The following MROH9 variants were observed in gnomAD, a reference collection of about 807,000 sequenced individuals.
MROH9 encodes maestro heat-like repeat-containing protein family member 9.
Under a neutral mutation model 98.2 loss-of-function variants are expected in MROH9, and 92 were observed. The observed-to-expected ratio is 0.94, with a 90% CI of 0.79 to 1.11. The LOEUF (loss-of-function observed/expected upper bound fraction) is 1.11, where lower values mean the gene tolerates loss of function less well. MROH9 is among the 50% of genes most tolerant of loss of function. MROH9 has a pLI of 0.00. For synonymous variants in MROH9, 397 were observed against 368.9 expected, an observed-to-expected ratio of 1.08 and a Z score of -0.87; for missense variants, 1,057 against 1,014.8, an observed-to-expected ratio of 1.04 and a Z score of -0.57.
At position 171,014,454 on chromosome 1, in the gene MROH9, G is replaced by A. The variant is rs138365442; in HGVS notation, c.1734+200G>A. On this transcript the variant is annotated intron_variant, in intron 16 of 21. Coordinates refer to ENST00000367759, the MANE Select transcript of MROH9 (RefSeq NM_001163629.2). ...GTTAAGTCCACTTAGTGGCTTTATCGCCTTACTTTTTTTTTTTTTTTACAG... is the reference window on the plus strand; with the variant it reads ...GTTAAGTCCACTTAGTGGCTTTATCACCTTACTTTTTTTTTTTTTTTACAG... 1.6e-3 allele frequency among the ~76,000 whole-genome samples: 239 copies of A among 148,622 alleles called. 1 individual carries two copies. Among genetic ancestry groups the A allele is most frequent in the African/African-American group, 5.2e-3 (202 of 38,834 alleles).
At position 171,055,618 on chromosome 1, in the gene MROH9, T is replaced by TTA. The variant is rs1490874386; in HGVS notation, c.2282-6514_2282-6513insTA. Among the ~76,000 whole-genome samples, 104 of 78,272 alleles carry TTA rather than the reference T, an allele frequency of 1.3e-3. 1 individual carries two copies. The highest frequency in any genetic ancestry group is 4.0e-3 in the African/African-American group (98 of 24,792). The allele number at this position is 78,272 out of a possible 152,430, so 51.3% of individuals were successfully genotyped here. ...GTTTGGGCAACAGTGTGAGACTTCA[T>TTA]AAAAAAAAAAAAAAAAAAAAAAAGA... On this transcript the variant is annotated intron_variant, in intron 20 of 21. Transcript: ENST00000367759.
intron 15 of MROH9, among the ~76,000 whole-genome samples, chr1:170,999,358 C>T (rs986695406): frequency 1.9e-4 from 29 of 152,126 alleles, no homozygotes; most frequent in Admixed American, 1.8e-3. Context: ...TTGTATCATT[C>T]TTATGCCTTT....
chr1:170,998,143 C>T lies in MROH9; in HGVS notation c.1476-11C>T, dbSNP rs908994961. ...TCCTTTGCTAATTCAGTGCCTTATT[C>T]TCTTTTACAGAACTCTCAGTGAATA... On this transcript the variant is annotated splice_polypyrimidine_tract_variant and intron_variant, in intron 14 of 21. Coordinates refer to ENST00000367759, the MANE Select transcript of MROH9 (RefSeq NM_001163629.2). 1 of 1,586,496 alleles carries T rather than the reference C, an allele frequency of 6.3e-7. No individual in the cohort carries two copies. The highest frequency in any genetic ancestry group is 8.6e-7 in the Non-Finnish European group (1 of 1,169,440).
intron 20 of MROH9, among the ~76,000 whole-genome samples, chr1:171,054,493 ACC>A (rs1653768274): frequency 6.6e-6 from 1 of 151,832 alleles, no homozygotes; most frequent in African/African-American, 2.4e-5. Context: ...ATGACCAAGA[ACC>A]CAAAAGCAAA....
chr1:170,958,108 G>C (rs9427204), intron 3 of MROH9, among the ~76,000 whole-genome samples: 12,142 of 151,690 alleles, frequency 0.08, 615 homozygotes, highest in Non-Finnish European at 0.11. Flanking sequence ...CACGCCCGGC[G>C]CTGCTGGCAT....
intron 3 of MROH9, among the ~76,000 whole-genome samples, chr1:170,954,229 T>C (rs1438718422): frequency 6.6e-6 from 1 of 152,144 alleles, no homozygotes; most frequent in African/African-American, 2.4e-5. Flanking sequence ...GAAATTATAC[T>C]ACACTATTGA....
At chr1:170,938,994 G>T (rs1487558863) in intron 1 of MROH9, among the ~76,000 whole-genome samples, 1 of 152,224 alleles carries the variant, frequency 6.6e-6, no homozygotes, top group Non-Finnish European at 1.5e-5. Flanking sequence ...AGCCTATTGG[G>T]TGATGACACT....
Position 171,062,126 on chromosome 1 carries a change from G to A in MROH9, c.2282-6G>A. On this transcript the variant is annotated splice_polypyrimidine_tract_variant and splice_region_variant and intron_variant, in intron 20 of 21. Coordinates refer to ENST00000367759, the MANE Select transcript of MROH9 (RefSeq NM_001163629.2). ...GCAGTAACTTTAATTTTTATTATGTGCATAGGATATTTGGCAAAATCAGGT... is the reference window on the plus strand; with the variant it reads ...GCAGTAACTTTAATTTTTATTATGTACATAGGATATTTGGCAAAATCAGGT... The A allele has an allele frequency of 1.3e-6, 2 of 1,531,648 alleles. No individual in the cohort carries two copies. Among genetic ancestry groups the A allele is most frequent in the Non-Finnish European group, 1.8e-6 (2 of 1,129,208 alleles). The allele number at this position is 1,531,648 out of a possible 1,614,324, so 94.9% of individuals were successfully genotyped here. A position where few individuals can be genotyped will look rare whatever the true frequency, so the allele number is the denominator to read the frequency against.
chr1:171,009,355 C>A (rs536573532), intron 15 of MROH9, among the ~76,000 whole-genome samples: 1 of 152,050 alleles, frequency 6.6e-6, no homozygotes, highest in Non-Finnish European at 1.5e-5. Flanking sequence ...AGTGCTTTGA[C>A]TTAGATATAT....
chr1:171,030,234 A>C (rs2101847994), intron 20 of MROH9, among the ~76,000 whole-genome samples: 1 of 150,878 alleles, frequency 6.6e-6, no homozygotes, highest in East Asian at 1.9e-4. Flanking sequence ...TTTTTGAAAA[A>C]CCAGCTCCTG....
At chr1:171,013,541 T>A (rs1268734960) in intron 15 of MROH9, among the ~76,000 whole-genome samples, 1 of 152,206 alleles carries the variant, frequency 6.6e-6, no homozygotes, top group Non-Finnish European at 1.5e-5. Context: ...GTTTGGGGAC[T>A]GCTGCTGTAG....
intron 15 of MROH9, among the ~76,000 whole-genome samples, chr1:171,007,299 G>A (rs1651992436): frequency 6.6e-6 from 1 of 152,110 alleles, no homozygotes; most frequent in Admixed American, 6.5e-5. Context: ...CAGGACCTTG[G>A]TCAGTAGTGT....
rs1397710756 is a variant in MROH9, at chr1:170,983,539, C to T, written c.729+5C>T. 1.3e-6 allele frequency: 2 copies of T among 1,548,746 alleles called. No homozygotes were observed. Among genetic ancestry groups the T allele is most frequent in the Non-Finnish European group, 8.9e-7 (1 of 1,122,380 alleles). ...GACGAAAGTAAAATAGCTCAGGTAACTTAGCCCCCACTTTTTCCGAGGGCT... is the reference window on the plus strand; with the variant it reads ...GACGAAAGTAAAATAGCTCAGGTAATTTAGCCCCCACTTTTTCCGAGGGCT... On this transcript the variant is annotated splice_donor_5th_base_variant and intron_variant, in intron 9 of 21. Transcript: ENST00000367759.
At chr1:170,957,982 T>C (rs1340638959) in intron 3 of MROH9, among the ~76,000 whole-genome samples, 4 of 151,916 alleles carry the variant, frequency 2.6e-5, no homozygotes, top group African/African-American at 4.8e-5. Flanking sequence ...CTAATTTTTT[T>C]CTATTTTTAG....
intron 3 of MROH9, among the ~76,000 whole-genome samples, chr1:170,957,485 T>C (rs984872863): frequency 6.6e-6 from 1 of 152,180 alleles, no homozygotes; most frequent in African/African-American, 2.4e-5. Context: ...GACCATATAT[T>C]AATAGATTTA....
chr1:171,016,511 G>C (rs1652332997), intron 17 of MROH9, among the ~76,000 whole-genome samples, 175 bp downstream of exon 17: 1 of 151,476 alleles, frequency 6.6e-6, no homozygotes, highest in Non-Finnish European at 1.5e-5. Flanking sequence ...TAAGTACACT[G>C]TGAGAACCTG....
At chr1:171,004,977 C>G (rs1651907246) in intron 15 of MROH9, among the ~76,000 whole-genome samples, 1 of 137,684 alleles carries the variant, frequency 7.3e-6, no homozygotes, top group African/African-American at 3.3e-5. Flanking sequence ...CTCACACAAA[C>G]CTTATTTTTT....
intron 20 of MROH9, among the ~76,000 whole-genome samples, chr1:171,051,196 TA>T (rs1181066469): frequency 6.6e-6 from 1 of 152,194 alleles, no homozygotes; most frequent in African/African-American, 2.4e-5. Context: ...CTCAAAGACC[TA>T]AAACCAGAAA....
intron 6 of MROH9, among the ~76,000 whole-genome samples, chr1:170,962,776 T>A (rs749954716): frequency 2.6e-5 from 4 of 152,170 alleles, no homozygotes; most frequent in Non-Finnish European, 4.4e-5. Flanking sequence ...GCTAGCCATA[T>A]GCAGAAGATT....
Sources: gnomAD v4.1 joint callset for allele counts (sites outside exome capture counted in the v4.1 genomes callset) on GRCh38, gnomAD v4.1.1 for gene constraint, MANE v1.5 for transcripts, NCBI Gene and HGNC (gene_info 2026-07-23, HGNC 2026-07-21) for gene names.